ZSCAN5A: variants seen among roughly 807,000 people sequenced by gnomAD.
The protein encoded by ZSCAN5A is zinc finger and SCAN domain-containing protein 5A.
In ZSCAN5A, 12 loss-of-function variants were observed where a neutral mutation model predicts 23.7. The ratio of observed to expected loss-of-function variants is 0.51; its 90% CI spans 0.32 to 0.82. ZSCAN5A has a LOEUF of 0.82. Ranked by LOEUF, ZSCAN5A falls within the 40% of genes least tolerant of loss-of-function variation. The pLI is 0.03. For synonymous variants in ZSCAN5A, 257 were observed against 239.9 expected, an observed-to-expected ratio of 1.07 and a Z score of -0.66; for missense variants, 597 against 617.9, an observed-to-expected ratio of 0.97 and a Z score of 0.36.
At chr19:56,362,937 A>C (rs565930932) in intron 2 of ZSCAN5A, among the ~76,000 whole-genome samples, 2 of 152,248 alleles carry the variant, frequency 1.3e-5, no homozygotes, top group Non-Finnish European at 2.9e-5. Context: ...TGCCTGTACC[A>C]TTTTTACAAC....
At chr19:56,333,865 A>G (rs1054642483) in intron 2 of ZSCAN5A, among the ~76,000 whole-genome samples, 5 of 151,580 alleles carry the variant, frequency 3.3e-5, no homozygotes, top group Non-Finnish European at 5.9e-5. Flanking sequence ...AAATATATAT[A>G]TATATATAAG....
At chr19:56,291,044 G>A (rs544765093) in intron 2 of ZSCAN5A, among the ~76,000 whole-genome samples, 23 of 152,198 alleles carry the variant, frequency 1.5e-4, no homozygotes, top group Non-Finnish European at 2.4e-4. Context: ...GTGGAGAGCC[G>A]TGAGGGTGTG....
intron 2 of ZSCAN5A, among the ~76,000 whole-genome samples, chr19:56,345,894 G>T (rs1200716431): frequency 6.6e-6 from 1 of 152,062 alleles, no homozygotes; most frequent in East Asian, 1.9e-4. Context: ...AATAAATCAG[G>T]TAACACAATA....
Position 56,221,569 on chromosome 19 carries a change from A to G in ZSCAN5A, c.*6T>C. ...TGGTGCAGAAGGCATAGACCGGATT[A>G]TGCAATCACTGAGAAGTAGCTTCTG... On this transcript the variant is annotated 3_prime_UTR_variant, in exon 6 of 6. Transcript: ENST00000683990. 4 of 1,585,318 alleles carry G rather than the reference A, an allele frequency of 2.5e-6. No individual in the cohort carries two copies. The highest frequency in any genetic ancestry group is 2.3e-5 in the South Asian group (2 of 86,924).
At chr19:56,346,775 C>T (rs1310982182) in intron 2 of ZSCAN5A, among the ~76,000 whole-genome samples, 1 of 151,814 alleles carries the variant, frequency 6.6e-6, no homozygotes, top group African/African-American at 2.4e-5. Context: ...GTGGTGCCAT[C>T]TCTGCTCACT....
At chr19:56,222,484 TTG>T in intron 5 of ZSCAN5A, 105 bp downstream of exon 5, 1 of 1,552,446 alleles carries the variant, frequency 6.4e-7, no homozygotes, top group South Asian at 1.3e-5. Flanking sequence ...TGGGGAGGCT[TTG>T]ACAGCTGAGT....
intron 2 of ZSCAN5A, among the ~76,000 whole-genome samples, chr19:56,240,761 G>A (rs893925400): frequency 1.8e-4 from 27 of 151,998 alleles, no homozygotes; most frequent in East Asian, 3.8e-4. Flanking sequence ...TTTTAGAGAC[G>A]GGGGTCTCAC....
intron 2 of ZSCAN5A, chr19:56,311,851 G>C (rs1336000539): frequency 2.0e-5 from 3 of 152,030 alleles, no homozygotes; most frequent in Non-Finnish European, 4.4e-5. Context: ...ACAGGCCCCA[G>C]TGCGTGTTGT....
At chr19:56,232,819 C>T (rs1016282398) in intron 2 of ZSCAN5A, among the ~76,000 whole-genome samples, 4 of 152,146 alleles carry the variant, frequency 2.6e-5, no homozygotes, top group African/African-American at 9.7e-5. Flanking sequence ...GCTGCGACCA[C>T]AGGTGTGCAC....
At chr19:56,313,222 C>A in intron 2 of ZSCAN5A, 61 bp downstream of exon 2, 1 of 323,902 alleles carries the variant, frequency 3.1e-6, no homozygotes, top group South Asian at 2.4e-5. Flanking sequence ...TGTTTTCACG[C>A]TGCTGATAAA....
intron 2 of ZSCAN5A, among the ~76,000 whole-genome samples, chr19:56,361,336 C>T (rs2041732373): frequency 6.6e-6 from 1 of 152,092 alleles, no homozygotes; most frequent in Non-Finnish European, 1.5e-5. Context: ...ACCATTTGAC[C>T]CAGCAATCCC....
At chr19:56,279,175 C>T (rs2038489497) in intron 2 of ZSCAN5A, among the ~76,000 whole-genome samples, 1 of 152,234 alleles carries the variant, frequency 6.6e-6, no homozygotes, top group Admixed American at 6.5e-5. Context: ...TCAACCATCA[C>T]ATCCCCTGAA....
chr19:56,247,858 A>AT (rs1411915382), intron 2 of ZSCAN5A, among the ~76,000 whole-genome samples: 2 of 151,844 alleles, frequency 1.3e-5, no homozygotes, highest in African/African-American at 2.4e-5. Context: ...TGCCCGGCTA[A>AT]TTTTTTGTAC....
intron 2 of ZSCAN5A, chr19:56,310,311 G>A (rs2040957005): frequency 6.6e-6 from 1 of 152,284 alleles, no homozygotes; most frequent in Non-Finnish European, 1.5e-5. Flanking sequence ...GCCAGAAGGT[G>A]TCTGTGGGGG....
At chr19:56,330,933 A>G (rs1435864424) in intron 2 of ZSCAN5A, among the ~76,000 whole-genome samples, 2 of 152,090 alleles carry the variant, frequency 1.3e-5, no homozygotes, top group Non-Finnish European at 2.9e-5. Context: ...CATCTCTTAG[A>G]TTGAGGTCTT....
At chr19:56,263,830 T>A (rs2037285576) in intron 2 of ZSCAN5A, 1 of 152,162 alleles carries the variant, frequency 6.6e-6, no homozygotes, top group African/African-American at 2.4e-5. Flanking sequence ...ATAACAATAA[T>A]TATAATAGTA....
intron 2 of ZSCAN5A, among the ~76,000 whole-genome samples, chr19:56,349,010 ACT>A (rs752569896): frequency 2.6e-5 from 4 of 152,078 alleles, no homozygotes; most frequent in Non-Finnish European, 4.4e-5. Flanking sequence ...AGGATGGCAA[ACT>A]CTATTTGCCA....
chr19:56,245,282 G>A (rs1175891014), intron 2 of ZSCAN5A: 4 of 720,964 alleles, frequency 5.5e-6, no homozygotes, highest in Non-Finnish European at 1.0e-5. Context: ...CGAGATGGCT[G>A]AAATCCCTGC....
intron 2 of ZSCAN5A, among the ~76,000 whole-genome samples, chr19:56,237,741 G>A (rs1394303530): frequency 2.6e-5 from 4 of 151,876 alleles, no homozygotes; most frequent in East Asian, 3.9e-4. Flanking sequence ...GCAACATGGC[G>A]AAACCCCGTC....
Sources: allele counts gnomAD v4.1 joint callset (sites outside exome capture counted in the v4.1 genomes callset), GRCh38; gene constraint gnomAD v4.1.1; transcripts MANE v1.5; gene names NCBI Gene and HGNC (gene_info 2026-07-23, HGNC 2026-07-21).